PRICKLE3: variants seen among roughly 807,000 people sequenced by gnomAD.
PRICKLE3 encodes prickle planar cell polarity protein 3, also known as LIM domain only protein 6.
PRICKLE3 carries 17 observed loss-of-function variants against 33.8 expected under a neutral mutation model. The ratio of observed to expected loss-of-function variants is 0.50; its 90% CI spans 0.34 to 0.75. PRICKLE3 has a LOEUF of 0.75. Ranked by LOEUF, PRICKLE3 falls within the 30% of genes least tolerant of loss-of-function variation. The probability of loss-of-function intolerance (pLI) is 0.01; values close to 1 mark genes in which losing one functional copy is unlikely to be tolerated. For missense variants in PRICKLE3, 573 were observed against 576.7 expected (o/e 0.99, Z 0.07); for synonymous variants, 211 against 219.6 (o/e 0.96, Z 0.34).
In PRICKLE3 at chrX:49,178,168, G is replaced by A; in HGVS notation, c.780C>T (p.Ser260=). The A allele has an allele frequency of 1.7e-6, 2 of 1,187,182 alleles. No individual in the cohort carries two copies. Among genetic ancestry groups the A allele is most frequent in the Non-Finnish European group, 2.3e-6 (2 of 880,213 alleles). ...RCQACDEIIF[S]PECTEAEGRH... is the part of the protein sequence containing the mutation. ...GGCCCTCAGCCTCCGTGCACTCAGGGGAGAAGATGATCTGGAGGGCGCAGG... is the reference window on the plus strand; with the variant it reads ...GGCCCTCAGCCTCCGTGCACTCAGGAGAGAAGATGATCTGGAGGGCGCAGG... Residue 260 remains serine (S), a synonymous_variant, in exon 7 of 9, where the codon TCC becomes TCT. Coordinates refer to ENST00000599218, the MANE Select transcript of PRICKLE3 (RefSeq NM_006150.5).
chrX:49,184,679 T>C lies in PRICKLE3; in HGVS notation c.74A>G (p.Gln25Arg). The change falls in exon 2 of 9, where the codon CAG (glutamine) becomes CGG (arginine). Residue 25 changes from glutamine to arginine, a missense_variant. Gln to Arg is a conservative substitution (Grantham distance 43). Transcript: ENST00000599218. ...PPEAEDPDRG[Q>R]PCNSCREQCP... ...CTGCTCCCTACAGGAGTTGCAGGGC[T>C]GGCCCCGGTCTGGGTCCTCTGCCTC... 2 of 1,155,572 alleles carry C rather than the reference T, an allele frequency of 1.7e-6. No individual in the cohort carries two copies. Among genetic ancestry groups the C allele is most frequent in the Non-Finnish European group, 1.2e-6 (1 of 866,174 alleles).
Position 49,175,562 on chromosome X carries a change from A to T in PRICKLE3, c.*111T>A. The T allele has an allele frequency of 1.6e-6, 1 of 638,118 alleles. No homozygotes were observed. The allele number at this position is 638,118 out of a possible 1,213,427, so 52.6% of individuals were successfully genotyped here. A position where few individuals can be genotyped will look rare whatever the true frequency, so the allele number is the denominator to read the frequency against. On this transcript the variant is annotated 3_prime_UTR_variant, in exon 9 of 9. Transcript: ENST00000599218. ...ATAGAAACAAACTGATAAAGGAGGG[A>T]GGAAGAGGATTTATGACTTAGGTTG...
At position 49,183,817 on chromosome X, in the gene PRICKLE3, G is replaced by C. The variant is rs372382591; in HGVS notation, c.229C>G (p.Gln77Glu). ...TCGTCGTCGGAGATGGAGTGGCGCT[G>C]GAAGTCCGAGATTAGCCGACACATG... is the stretch of plus-strand genomic sequence containing the variant. ...RIMCRLISDF[Q>E]RHSISDDDSG... Residue 77 changes from glutamine to glutamate, a missense_variant, in exon 3 of 9, where the codon CAG becomes GAG. Transcript: ENST00000599218. 2 of 1,209,536 alleles carry C rather than the reference G, an allele frequency of 1.7e-6. No individual in the cohort carries two copies. The highest frequency in any genetic ancestry group is 3.5e-5 in the African/African-American group (2 of 56,977).
chrX:49,185,836 G>T (rs1175085542), intron 1 of PRICKLE3, among the ~76,000 whole-genome samples: 2 of 104,772 alleles, frequency 1.9e-5, no homozygotes, highest in African/African-American at 3.5e-5. Context: ...AGGAGGCGGA[G>T]GTTGCAGTGA....
chrX:49,178,198 C>G lies in PRICKLE3; in HGVS notation c.769-19G>C. 1 of 1,196,694 alleles carries G rather than the reference C, an allele frequency of 8.4e-7. No homozygotes were observed. ...AGATGATCTGGAGGGCGCAGGCCAT[C>G]TGTGGCTGTCAGATGAGCCTGCTCC... On this transcript the variant is annotated intron_variant, in intron 6 of 8. Coordinates refer to ENST00000599218, the MANE Select transcript of PRICKLE3 (RefSeq NM_006150.5).
At chrX:49,182,855 A>C (rs1602603662) in intron 3 of PRICKLE3, among the ~76,000 whole-genome samples, 1 of 88,887 alleles carries the variant, frequency 1.1e-5, no homozygotes. Context: ...GAGAAGTATC[A>C]CTCTGTTGCC....
chrX:49,176,584 G>A (rs1306597967), intron 8 of PRICKLE3, among the ~76,000 whole-genome samples: 1 of 108,859 alleles, frequency 9.2e-6, no homozygotes, highest in Non-Finnish European at 1.9e-5. Context: ...AAGGGGTGGG[G>A]CCTGACTGCA....
At position 49,178,472 on chromosome X, in the gene PRICKLE3, C is replaced by T. The variant is rs781884950; in HGVS notation, c.568G>A (p.Gly190Arg). ...TITGAICEECGKQIGGGDIAV... is the reference protein window; with the variant it reads ...TITGAICEECRKQIGGGDIAV... ...ATGTCCCCACCTCCAATCTGCTTTC[C>T]GCACTGCCATGAGACAAGCACCAAG... Residue 190 changes from glycine (G) to arginine (R), a missense_variant, in exon 6 of 9, where the codon GGA (glycine) becomes AGA (arginine). Transcript: ENST00000599218. The T allele has an allele frequency of 4.0e-5, 48 of 1,206,414 alleles. No individual in the cohort carries two copies. Among genetic ancestry groups the T allele is most frequent in the South Asian group, 2.1e-4 (12 of 56,670 alleles).
chrX:49,181,054 G>C (rs975411710), intron 3 of PRICKLE3, among the ~76,000 whole-genome samples: 1 of 109,623 alleles, frequency 9.1e-6, no homozygotes, highest in Non-Finnish European at 1.9e-5. Flanking sequence ...ACCCCCACAA[G>C]CAAATCCTCT....
At chrX:49,184,867 G>C in intron 1 of PRICKLE3, 157 bp from the exon 2 acceptor site, 1 of 1,156,227 alleles carries the variant, frequency 8.6e-7, no homozygotes, top group Non-Finnish European at 1.2e-6. Flanking sequence ...CCAGAGTGCG[G>C]GGGAGCGGGA....
chrX:49,176,382 G>T, intron 8 of PRICKLE3, 117 bp from the exon 9 acceptor site: 1 of 547,395 alleles, frequency 1.8e-6, no homozygotes, highest in Non-Finnish European at 2.8e-6. Context: ...GTGGGGGCAG[G>T]GGTCGGAGAA....
intron 7 of PRICKLE3, 89 bp from the exon 8 acceptor site, chrX:49,177,291 T>G: frequency 7.2e-6 from 7 of 967,355 alleles, no homozygotes; most frequent in Non-Finnish European, 9.5e-6. Context: ...CAAGAAGAGG[T>G]GGGGAATCCG....
In PRICKLE3 at chrX:49,177,086, C is replaced by T; in HGVS notation, c.1072G>A (p.Gly358Ser). The T allele has an allele frequency of 8.3e-7, 1 of 1,204,764 alleles. No individual in the cohort carries two copies. The highest frequency in any genetic ancestry group is 1.1e-6 in the Non-Finnish European group (1 of 892,048). Reference sequence around the variant, plus strand: ...CAGGCTCGAGAGCAGAAGATTAGGCCTCGGCGTGGCAGGAATGGGCGGCCC... The same window carrying T: ...CAGGCTCGAGAGCAGAAGATTAGGCTTCGGCGTGGCAGGAATGGGCGGCCC... ...LLGRPFLPRR[G>S]LIFCSRACSL... is the part of the protein sequence containing the mutation. The change falls in exon 8 of 9, where the codon GGC becomes AGC. Residue 358 changes from glycine (G) to serine (S), a missense_variant. By Grantham distance (56) the Gly-to-Ser change is moderately conservative. Transcript: ENST00000599218.
intron 7 of PRICKLE3, 82 bp from the exon 8 acceptor site, chrX:49,177,284 G>A: frequency 1.0e-6 from 1 of 986,792 alleles, no homozygotes; most frequent in South Asian, 2.6e-5. Flanking sequence ...CCCTTCTCAA[G>A]AAGAGGTGGG....
In PRICKLE3 at chrX:49,178,297, C is replaced by T. The variant is rs782462559; in HGVS notation, c.743G>A (p.Arg248His). The T allele has an allele frequency of 9.7e-5, 116 of 1,198,955 alleles. No homozygotes were observed. Among genetic ancestry groups the T allele is most frequent in the Non-Finnish European group, 1.2e-4 (105 of 889,469 alleles). The change falls in exon 6 of 9, where the codon CGT becomes CAT. Residue 248 changes from arginine to histidine, a missense_variant. Coordinates refer to ENST00000599218, the MANE Select transcript of PRICKLE3 (RefSeq NM_006150.5). The part of the protein sequence containing the change: ...YCGRHHAECL[R>H]PRCQACDEII... ...CTCGTCACAGGCTTGGCAGCGTGGA[C>T]GCAGGCATTCGGCATGGTGACGCCC... is the stretch of plus-strand genomic sequence containing the variant.
rs782388952 is a variant in PRICKLE3 at position 49,176,087 on chromosome X, G to C, written c.1434C>G (p.Asp478Glu). Residue 478 changes from aspartate to glutamate, a missense_variant, in exon 9 of 9, where the codon GAC becomes GAG. Physicochemically the swap from Asp to Glu is conservative, Grantham distance 45. Coordinates refer to ENST00000599218, the MANE Select transcript of PRICKLE3 (RefSeq NM_006150.5). The part of the protein sequence containing the change: ...RQSTPRVSFR[D>E]PLVSEGGPRR... ...GCGGGCCTCCTTCAGACACCAGAGG[G>C]TCGCGGAAGCTGACGCGTGGGGTGC... The C allele has an allele frequency of 3.5e-5, 42 of 1,205,615 alleles. No individual in the cohort carries two copies. Among genetic ancestry groups the C allele is most frequent in the Non-Finnish European group, 4.5e-5 (40 of 893,817 alleles).
intron 3 of PRICKLE3, among the ~76,000 whole-genome samples, 191 bp from the exon 4 acceptor site, chrX:49,179,997 A>G (rs2065440470): frequency 1.0e-5 from 1 of 98,629 alleles, no homozygotes; most frequent in Admixed American, 1.1e-4. Flanking sequence ...GGGTTCCTGC[A>G]TGTATTGACC....
chrX:49,176,181 G>C lies in PRICKLE3; in HGVS notation c.1340C>G (p.Pro447Arg). ...SMPELGLRSV[P>R]EPPPESPGQP... ...GCCGGGGGACTCTGGGGGCGGCTCG[G>C]GGACACTGCGGAGCCCCAGTTCCGG... is the stretch of plus-strand genomic sequence containing the variant. Residue 447 changes from proline to arginine, a missense_variant, in exon 9 of 9, where the codon CCC becomes CGC. Physicochemically the swap from Pro to Arg is moderately radical, Grantham distance 103. Transcript: ENST00000599218. 1 of 1,182,628 alleles carries C rather than the reference G, an allele frequency of 8.5e-7. No homozygotes were observed. The highest frequency in any genetic ancestry group is 1.9e-5 in the South Asian group (1 of 51,929).
chrX:49,175,441 A>G lies in PRICKLE3; in HGVS notation c.*232T>C, dbSNP rs2065409307. ...GAGGCTGAGGTGGGAGGATAGCTTGAGCCCAAAACTTTTGAGGCTGCAGTG... is the reference window on the plus strand; with the variant it reads ...GAGGCTGAGGTGGGAGGATAGCTTGGGCCCAAAACTTTTGAGGCTGCAGTG... On this transcript the variant is annotated 3_prime_UTR_variant, in exon 9 of 9. Transcript: ENST00000599218. 2 of 367,699 alleles carry G rather than the reference A, an allele frequency of 5.4e-6. No homozygotes were observed. The highest frequency in any genetic ancestry group is 2.6e-5 in the African/African-American group (1 of 38,589). 30.3% of individuals were successfully genotyped at this position (367,699 alleles called of 1,213,427 possible).
Sources: allele counts gnomAD v4.1 joint callset (sites outside exome capture counted in the v4.1 genomes callset), GRCh38; gene constraint gnomAD v4.1.1; transcripts MANE v1.5; gene names NCBI Gene and HGNC (gene_info 2026-07-23, HGNC 2026-07-21).